SMS: variants seen among roughly 807,000 people sequenced by gnomAD.
SMS encodes spermidine aminopropyltransferase.
Under a neutral mutation model 33.0 loss-of-function variants are expected in SMS, and 3 were observed. The ratio of observed to expected loss-of-function variants is 0.09; its 90% CI spans 0.04 to 0.23. SMS has a LOEUF of 0.23. Ranked by LOEUF, SMS falls within the 10% of genes least tolerant of loss-of-function variation. The probability of loss-of-function intolerance (pLI) is 1.00; values close to 1 mark genes in which losing one functional copy is unlikely to be tolerated. For synonymous variants in SMS, 103 were observed against 112.2 expected, an observed-to-expected ratio of 0.92 and a Z score of 0.52; for missense variants, 117 against 288.6, an observed-to-expected ratio of 0.41 and a Z score of 4.31.
chrX:21,962,800 G>C (rs1380569914), intron 1 of SMS, among the ~76,000 whole-genome samples: 1 of 110,909 alleles, frequency 9.0e-6, no homozygotes, highest in African/African-American at 3.3e-5. Context: ...GGACTATAGG[G>C]GCATGCCACT....
chrX:21,980,840 C>G (rs748366168), intron 7 of SMS, among the ~76,000 whole-genome samples: 5 of 111,812 alleles, frequency 4.5e-5, no homozygotes, highest in Non-Finnish European at 9.4e-5. Flanking sequence ...GATTTTTTCT[C>G]TATACTAAAT....
chrX:21,983,173 G>A (rs764492473), intron 7 of SMS, among the ~76,000 whole-genome samples: 4 of 110,541 alleles, frequency 3.6e-5, no homozygotes, highest in Admixed American at 9.7e-5. Flanking sequence ...CTGAGTAGCC[G>A]GGACTACAGG....
At chrX:21,965,174 C>T (rs1316155537) in intron 1 of SMS, among the ~76,000 whole-genome samples, 4 of 111,862 alleles carry the variant, frequency 3.6e-5, no homozygotes, top group Non-Finnish European at 7.5e-5. Context: ...ATCTCAAGAT[C>T]CTTAACTTAA....
intron 1 of SMS, among the ~76,000 whole-genome samples, chrX:21,952,868 C>T (rs1479020022): frequency 7.4e-5 from 8 of 107,390 alleles, no homozygotes; most frequent in Non-Finnish European, 1.3e-4. Context: ...TCACCCCCCT[C>T]CCCTCCCGCC....
intron 7 of SMS, among the ~76,000 whole-genome samples, chrX:21,981,995 T>C (rs965879619): frequency 3.6e-5 from 4 of 110,601 alleles, no homozygotes; most frequent in Non-Finnish European, 1.9e-5. Context: ...GTATAGAGGA[T>C]ATTTACTGGT....
chrX:21,965,054 C>T (rs979301597), intron 1 of SMS, among the ~76,000 whole-genome samples: 1 of 111,188 alleles, frequency 9.0e-6, no homozygotes, highest in East Asian at 2.8e-4. Context: ...TCTCTGCCTC[C>T]GTCTTATGTC....
At chrX:21,945,747 C>G (rs1922183191) in intron 1 of SMS, among the ~76,000 whole-genome samples, 1 of 106,584 alleles carries the variant, frequency 9.4e-6, no homozygotes, top group African/African-American at 3.4e-5. Context: ...GTCTCAGCCT[C>G]CAGAGTAGCT....
chrX:21,992,248 C>T (rs767560385), intron 9 of SMS, among the ~76,000 whole-genome samples: 1 of 112,068 alleles, frequency 8.9e-6, no homozygotes, highest in African/African-American at 3.2e-5. Context: ...ATAATGGTGA[C>T]CGTTATTGAG....
chrX:21,954,210 G>T, intron 1 of SMS, among the ~76,000 whole-genome samples: 1 of 111,893 alleles, frequency 8.9e-6, no homozygotes, highest in Middle Eastern at 4.7e-3. Context: ...GAAGTCCTTG[G>T]ACCAGATTCT....
intron 1 of SMS, among the ~76,000 whole-genome samples, chrX:21,956,454 TTTTTTA>T (rs1002196098): frequency 9.1e-6 from 1 of 109,538 alleles, no homozygotes; most frequent in Admixed American, 9.7e-5. Context: ...TGGCTAATTT[TTTTTTA>T]TTTTTATTTT....
intron 7 of SMS, among the ~76,000 whole-genome samples, chrX:21,980,823 C>T (rs1432865212): frequency 4.5e-5 from 5 of 111,445 alleles, no homozygotes; most frequent in African/African-American, 1.6e-4. Context: ...TGGATAAAGC[C>T]AGCCTAGATT....
intron 7 of SMS, among the ~76,000 whole-genome samples, chrX:21,981,063 G>A (rs73195178): frequency 2.1e-4 from 23 of 111,642 alleles, no homozygotes; most frequent in African/African-American, 7.1e-4. Flanking sequence ...TGGCTCACCT[G>A]TAATCCCAGC....
In SMS at chrX:21,944,461, G is replaced by C. The variant is rs189837211; in HGVS notation, c.49+3588G>C. 4.4e-3 allele frequency among the ~76,000 whole-genome samples: 426 copies of C among 96,984 alleles called. 1 individual carries two copies. Among genetic ancestry groups the C allele is most frequent in the African/African-American group, 0.016 (406 of 25,889 alleles). 84.2% of individuals were successfully genotyped at this position (96,984 alleles called of 115,157 possible). A position where few individuals can be genotyped will look rare whatever the true frequency, so the allele number is the denominator to read the frequency against. The stretch of plus-strand genomic sequence containing the variant: ...CTGTAATTCCAGCACTCTGGGAGGC[G>C]AAGCGCTTGAGCCCAAGAGTTCAAG... On this transcript the variant is annotated intron_variant, in intron 1 of 10. Coordinates refer to ENST00000404933, the MANE Select transcript of SMS (RefSeq NM_004595.5).
chrX:21,956,832 C>T (rs1923006740), intron 1 of SMS, among the ~76,000 whole-genome samples: 1 of 112,487 alleles, frequency 8.9e-6, no homozygotes, highest in African/African-American at 3.2e-5. Context: ...CCTCCAGCCT[C>T]AGCCTCCCAA....
At chrX:21,944,522 C>CAAA (rs777680386) in intron 1 of SMS, among the ~76,000 whole-genome samples, 346 of 33,161 alleles carry the variant, frequency 0.01, no homozygotes, top group Non-Finnish European at 0.013. Context: ...CCTGTCTCTA[C>CAAA]AAAAAAAAAA....
intron 1 of SMS, among the ~76,000 whole-genome samples, chrX:21,950,282 T>G (rs1017010746): frequency 3.6e-5 from 4 of 110,838 alleles, no homozygotes; most frequent in African/African-American, 1.3e-4. Context: ...ATGTGGAATT[T>G]TGAGGAAGAT....
intron 7 of SMS, among the ~76,000 whole-genome samples, chrX:21,984,068 C>G (rs935967980): frequency 9.0e-5 from 10 of 110,946 alleles, no homozygotes; most frequent in African/African-American, 1.3e-4. Flanking sequence ...ATAATAGTGC[C>G]TCTAGGATTG....
chrX:21,962,875 G>C (rs920227413), intron 1 of SMS, among the ~76,000 whole-genome samples: 1 of 109,973 alleles, frequency 9.1e-6, no homozygotes, highest in Non-Finnish European at 1.9e-5. Context: ...GGCTGGTCTC[G>C]AACTCCTGGG....
intron 1 of SMS, among the ~76,000 whole-genome samples, chrX:21,957,286 G>T (rs1050599158): frequency 9.1e-6 from 1 of 109,917 alleles, no homozygotes; most frequent in East Asian, 2.9e-4. Flanking sequence ...GGCTCAGCTG[G>T]GTCCATTTTT....
Sources: allele counts gnomAD v4.1 joint callset (sites outside exome capture counted in the v4.1 genomes callset), GRCh38; gene constraint gnomAD v4.1.1; transcripts MANE v1.5; gene names NCBI Gene and HGNC (gene_info 2026-07-23, HGNC 2026-07-21).